The following MOV10L1 variants were observed in gnomAD, a reference collection of about 807,000 sequenced individuals.
MOV10L1 encodes RNA helicase Mov10l1.
MOV10L1 carries 110 observed loss-of-function variants against 143.8 expected under a neutral mutation model. The observed-to-expected ratio is 0.76, with a 90% CI of 0.66 to 0.90. MOV10L1 has a LOEUF of 0.90. MOV10L1 is among the 40% of genes least tolerant of loss of function. MOV10L1 has a pLI of 0.00. For missense variants in MOV10L1, 1,406 were observed against 1,526.8 expected (o/e 0.92, Z 1.32); for synonymous variants, 593 against 581.1 (o/e 1.02, Z -0.29).
chr22:50,105,708 C>T (rs1424843821), intron 3 of MOV10L1, among the ~76,000 whole-genome samples: 1 of 152,166 alleles, frequency 6.6e-6, no homozygotes, highest in Non-Finnish European at 1.5e-5. Context: ...CATCACAGGA[C>T]CTTTTGGTTG....
At position 50,108,253 on chromosome 22, in the gene MOV10L1, C is replaced by T. The variant is rs371495925; in HGVS notation, c.555+5C>T. On this transcript the variant is annotated splice_donor_5th_base_variant and intron_variant, in intron 4 of 26. Coordinates refer to ENST00000262794, the MANE Select transcript of MOV10L1 (RefSeq NM_018995.3). ...AGATACAAGCGCGTGGACAAGGTAG[C>T]GTGCCGACTAGTGGCTCCTCTCTGT... 881 of 1,608,722 alleles carry T rather than the reference C, an allele frequency of 5.5e-4. 5 individuals carry two copies. Among genetic ancestry groups the T allele is most frequent in the South Asian group, 1.6e-3 (145 of 90,008 alleles).
intron 18 of MOV10L1, 152 bp from the exon 19 acceptor site, chr22:50,145,537 T>G: frequency 2.1e-6 from 2 of 958,596 alleles, no homozygotes; most frequent in Admixed American, 4.9e-5. Flanking sequence ...AAACATGGAC[T>G]GAATTGATAA....
intron 5 of MOV10L1, among the ~76,000 whole-genome samples, chr22:50,112,033 TAGC>T (rs2062039863): frequency 6.6e-6 from 1 of 152,048 alleles, no homozygotes; most frequent in Admixed American, 6.5e-5. Flanking sequence ...CCATGTAAGG[TAGC>T]AGCCGGAGGG....
At chr22:50,149,300 C>A (rs1244981383) in intron 19 of MOV10L1, 2 of 332,984 alleles carry the variant, frequency 6.0e-6, no homozygotes. Context: ...CAGGAGCCTG[C>A]GGCGCTTCTC....
chr22:50,135,344 G>A (rs1000954832), intron 15 of MOV10L1, among the ~76,000 whole-genome samples: 1 of 151,678 alleles, frequency 6.6e-6, no homozygotes, highest in South Asian at 2.1e-4. Context: ...TATGGTTTAT[G>A]TGTACACTTA....
At chr22:50,131,098 C>T (rs918317146) in intron 13 of MOV10L1, among the ~76,000 whole-genome samples, 21 of 141,536 alleles carry the variant, frequency 1.5e-4, no homozygotes, top group Admixed American at 5.1e-4. Flanking sequence ...TTTAGTGAGA[C>T]GGGGTTTCAC....
At chr22:50,155,676 A>G (rs564805109) in intron 22 of MOV10L1, among the ~76,000 whole-genome samples, 1 of 152,244 alleles carries the variant, frequency 6.6e-6, no homozygotes, top group African/African-American at 2.4e-5. Context: ...GGGTTTCACC[A>G]TGTTGGCCCA....
chr22:50,133,245 T>C (rs1003347102), intron 13 of MOV10L1, among the ~76,000 whole-genome samples: 56 of 152,134 alleles, frequency 3.7e-4, no homozygotes, highest in African/African-American at 1.3e-3. Context: ...GGTTCCGTAG[T>C]GGCCCTCTAT....
chr22:50,108,706 T>G lies in MOV10L1; in HGVS notation c.605T>G (p.Ile202Ser). 6.2e-7 allele frequency: 1 copy of G among 1,614,166 alleles called. No individual in the cohort carries two copies. The highest frequency in any genetic ancestry group is 8.5e-7 in the Non-Finnish European group (1 of 1,180,028). ...AGGAACGGGGTGTTAGAGGAAAGCATCTTCTTTACCTTGGACTCCTTGAAA... is the reference window on the plus strand; with the variant it reads ...AGGAACGGGGTGTTAGAGGAAAGCAGCTTCTTTACCTTGGACTCCTTGAAA... Reference protein sequence around the residue: ...CGRNGVLEESIFFTLDSLKLP... With the variant: ...CGRNGVLEESSFFTLDSLKLP... The change falls in exon 5 of 27, where the codon ATC becomes AGC. Residue 202 changes from isoleucine (I) to serine (S), a missense_variant. Coordinates refer to ENST00000262794, the MANE Select transcript of MOV10L1 (RefSeq NM_018995.3).
chr22:50,121,626 C>T (rs540957130), intron 10 of MOV10L1, among the ~76,000 whole-genome samples: 8 of 152,348 alleles, frequency 5.3e-5, no homozygotes, highest in Admixed American at 6.5e-5. Context: ...GAGCGCAGTC[C>T]TCTGTCCCCC....
chr22:50,131,404 A>G (rs749490624), intron 13 of MOV10L1, among the ~76,000 whole-genome samples: 4 of 152,052 alleles, frequency 2.6e-5, no homozygotes, highest in Non-Finnish European at 5.9e-5. Context: ...TTGTATTTTC[A>G]TTGTTTTTAT....
chr22:50,112,507 C>T (rs1372914327), intron 5 of MOV10L1, among the ~76,000 whole-genome samples: 1 of 152,202 alleles, frequency 6.6e-6, no homozygotes, highest in African/African-American at 2.4e-5. Context: ...GGAGACAGCA[C>T]AGCACGGAAC....
chr22:50,151,773 A>G (rs1010711320), intron 21 of MOV10L1, among the ~76,000 whole-genome samples: 3 of 152,216 alleles, frequency 2.0e-5, no homozygotes, highest in African/African-American at 7.2e-5. Context: ...GCAGCAGGAG[A>G]GACCAGCACG....
At chr22:50,149,748 C>G (rs1385342755) in intron 20 of MOV10L1, 34 bp downstream of exon 20, 2 of 1,574,800 alleles carry the variant, frequency 1.3e-6, no homozygotes, top group Admixed American at 3.5e-5. Flanking sequence ...CTGCTTCCTC[C>G]TCACCCCGTT....
intron 18 of MOV10L1, among the ~76,000 whole-genome samples, 180 bp downstream of exon 18, chr22:50,144,423 G>A: frequency 6.7e-6 from 1 of 150,336 alleles, no homozygotes; most frequent in East Asian, 2.0e-4. Flanking sequence ...GAGCTTGATT[G>A]CTGACTATTT....
intron 10 of MOV10L1, among the ~76,000 whole-genome samples, chr22:50,123,640 C>T (rs968085056): frequency 1.1e-4 from 16 of 152,188 alleles, no homozygotes; most frequent in African/African-American, 3.6e-4. Flanking sequence ...CTCTGTCTGG[C>T]TTTGGGATCA....
At chr22:50,131,583 A>G (rs2062680054) in intron 13 of MOV10L1, among the ~76,000 whole-genome samples, 1 of 152,180 alleles carries the variant, frequency 6.6e-6, no homozygotes, top group Non-Finnish European at 1.5e-5. Flanking sequence ...ATTTAGGATT[A>G]TGATCTATCT....
intron 9 of MOV10L1, among the ~76,000 whole-genome samples, chr22:50,119,394 C>T (rs1242439081): frequency 6.6e-6 from 1 of 152,062 alleles, no homozygotes; most frequent in African/African-American, 2.4e-5. Context: ...GCACTTCCTG[C>T]TAGGACCCCC....
rs1416999117 is a variant in MOV10L1, at chr22:50,143,119, A to C, written c.2256A>C (p.Ala752=). 4.3e-6 allele frequency: 7 copies of C among 1,614,128 alleles called. No individual in the cohort carries two copies. Among genetic ancestry groups the C allele is most frequent in the Non-Finnish European group, 5.9e-6 (7 of 1,180,030 alleles). Residue 752 remains alanine (A), a synonymous_variant, in exon 17 of 27, where the codon GCA becomes GCC. Transcript: ENST00000262794. ...NPVLNENQKL[A]VKRILSGDCR... Reference sequence around the variant, plus strand: ...TGCTAAATGAAAATCAGAAGTTAGCAGTTAAAAGGATTCTGAGTGGTGACT... The same window carrying C: ...TGCTAAATGAAAATCAGAAGTTAGCCGTTAAAAGGATTCTGAGTGGTGACT...
Sources: allele counts gnomAD v4.1 joint callset (sites outside exome capture counted in the v4.1 genomes callset), GRCh38; gene constraint gnomAD v4.1.1; transcripts MANE v1.5; gene names NCBI Gene and HGNC (gene_info 2026-07-23, HGNC 2026-07-21).